Variants in PNPLA3 observed in about 807,000 individuals in gnomAD.
PNPLA3 encodes the protein patatin like domain 3, 1-acylglycerol-3-phosphate O-acyltransferase, also known as 1-acylglycerol-3-phosphate O-acyltransferase PNPLA3.
PNPLA3 carries 42 observed loss-of-function variants against 43.1 expected under a neutral mutation model. That is an observed-to-expected ratio of 0.97 (90% CI 0.76 to 1.26). The LOEUF (loss-of-function observed/expected upper bound fraction) is 1.26. PNPLA3 is among the 50% of genes most tolerant of loss of function. The probability of loss-of-function intolerance (pLI) is 0.00; values close to 1 mark genes in which losing one functional copy is unlikely to be tolerated. For missense variants in PNPLA3, 647 were observed against 621.4 expected (o/e 1.04, Z -0.44); for synonymous variants, 272 against 253.6 (o/e 1.07, Z -0.69).
rs946829495 is a variant in PNPLA3 at position 43,946,640 on chromosome 22, TCCC to T, written c.*259_*261del. On this transcript the variant is annotated 3_prime_UTR_variant, in exon 9 of 9. Coordinates refer to ENST00000216180, the MANE Select transcript of PNPLA3 (RefSeq NM_025225.3). ...ACACCAGGAAGCCCAGTGCAGAGGG[TCCC>T]TTACTGACTGTTTCGTGGCCCTATT... is the stretch of plus-strand genomic sequence containing the variant. 2.9e-6 allele frequency: 2 copies of T among 686,642 alleles called. No homozygotes were observed. Among genetic ancestry groups the T allele is most frequent in the Non-Finnish European group, 5.4e-6 (2 of 369,448 alleles). 42.5% of individuals were successfully genotyped at this position (686,642 alleles called of 1,614,324 possible). A position where few individuals can be genotyped will look rare whatever the true frequency, so the allele number is the denominator to read the frequency against.
At chr22:43,928,761 G>A in intron 2 of PNPLA3, 63 bp from the exon 3 acceptor site, 1 of 1,485,736 alleles carries the variant, frequency 6.7e-7, no homozygotes, top group South Asian at 1.1e-5. Context: ...GAAAGCTTAT[G>A]AAGGATCAGG....
intron 5 of PNPLA3, among the ~76,000 whole-genome samples, chr22:43,935,584 AGCGCCTTAG>A (rs2049990013): frequency 6.6e-6 from 1 of 151,692 alleles, no homozygotes; most frequent in African/African-American, 2.4e-5. Flanking sequence ...GATAAGTAGG[AGCGCCTTAG>A]GCATGGGGAC....
In PNPLA3 at chr22:43,940,072, T is replaced by C. The variant is rs1182686479; in HGVS notation, c.1059T>C (p.Tyr353=). 14 of 1,614,044 alleles carry C rather than the reference T, an allele frequency of 8.7e-6. No homozygotes were observed. The highest frequency in any genetic ancestry group is 1.7e-5 in the Admixed American group (1 of 60,006). ...CNLLPIRIMS[Y]VMLPCTLPVE... The stretch of plus-strand genomic sequence containing the variant: ...TGCTACCCATTAGGATAATGTCTTA[T>C]GTAATGCTGCCCTGTACCCTGCCTG... The change falls in exon 7 of 9, where the codon TAT becomes TAC. Residue 353 remains tyrosine (Y), a synonymous_variant. Coordinates refer to ENST00000216180, the MANE Select transcript of PNPLA3 (RefSeq NM_025225.3).
At chr22:43,937,389 G>A in intron 6 of PNPLA3, 117 bp downstream of exon 6, 1 of 920,590 alleles carries the variant, frequency 1.1e-6, no homozygotes, top group Non-Finnish European at 1.7e-6. Flanking sequence ...ACAGGTGGTT[G>A]GGAACATCTC....
chr22:43,927,009 T>A lies in PNPLA3; in HGVS notation c.262T>A (p.Phe88Ile), dbSNP rs773679857. 3 of 1,614,258 alleles carry A rather than the reference T, an allele frequency of 1.9e-6. No individual in the cohort carries two copies. In the South Asian group the frequency reaches 3.3e-5, roughly 18 times the overall value. The change falls in exon 2 of 9, where the codon TTC (phenylalanine) becomes ATC (isoleucine). Residue 88 changes from phenylalanine (F) to isoleucine (I), a missense_variant. Transcript: ENST00000216180. ...GAACATTGGCATCTTCCATCCATCC[T>A]TCAACTTAAGCAAGTTCCTCCGACA... Reference protein sequence around the residue: ...SRNIGIFHPSFNLSKFLRQGL... With the variant: ...SRNIGIFHPSINLSKFLRQGL...
chr22:43,932,832 C>T, intron 3 of PNPLA3, 46 bp from the exon 4 acceptor site: 1 of 1,566,848 alleles, frequency 6.4e-7, no homozygotes, highest in Non-Finnish European at 8.8e-7. Context: ...TAAGCACTAA[C>T]CCAGAGCTTC....
chr22:43,937,273 G>C lies in PNPLA3; in HGVS notation c.979+1G>C. The C allele has an allele frequency of 6.2e-7, 1 of 1,613,350 alleles. No homozygotes were observed. On this transcript the variant is annotated splice_donor_variant, in intron 6 of 8. Coordinates refer to ENST00000216180, the MANE Select transcript of PNPLA3 (RefSeq NM_025225.3). LOFTEE classifies it high-confidence loss of function. ...ACCCTCTCGCCCAGGCTCGCTACAG[G>C]TACCCACTCCTCGGGGTGAGCACGG...
At chr22:43,932,201 A>G (rs1389319793) in intron 3 of PNPLA3, among the ~76,000 whole-genome samples, 2 of 152,208 alleles carry the variant, frequency 1.3e-5, no homozygotes, top group African/African-American at 4.8e-5. Context: ...AGCTATGGGC[A>G]ATAAGGTGGT....
chr22:43,938,167 A>G (rs779993955), intron 6 of PNPLA3, among the ~76,000 whole-genome samples: 7 of 152,202 alleles, frequency 4.6e-5, no homozygotes, highest in Non-Finnish European at 8.8e-5. Context: ...TAAGCCACTC[A>G]GTTGGTGGCA....
intron 7 of PNPLA3, among the ~76,000 whole-genome samples, chr22:43,941,852 A>G (rs1229344674): frequency 1.3e-5 from 2 of 151,946 alleles, no homozygotes; most frequent in Non-Finnish European, 2.9e-5. Flanking sequence ...ATATTGAGCT[A>G]ATACAGGCAT....
At chr22:43,928,333 G>A (rs544909487) in intron 2 of PNPLA3, among the ~76,000 whole-genome samples, 1 of 152,326 alleles carries the variant, frequency 6.6e-6, no homozygotes, top group Admixed American at 6.5e-5. Flanking sequence ...GCTTCGCAAA[G>A]TGTGATCCTG....
intron 8 of PNPLA3, among the ~76,000 whole-genome samples, 162 bp downstream of exon 8, chr22:43,944,957 T>A (rs2056378759): frequency 6.6e-6 from 1 of 152,030 alleles, no homozygotes; most frequent in South Asian, 2.1e-4. Flanking sequence ...CAGTCAGAGG[T>A]CCTGGCACAC....
intron 3 of PNPLA3, among the ~76,000 whole-genome samples, chr22:43,929,665 C>T (rs762548616): frequency 4.1e-5 from 6 of 145,606 alleles, no homozygotes; most frequent in East Asian, 2.1e-4. Context: ...GGTGCAATCT[C>T]GGCTCACTGC....
At chr22:43,934,534 C>A in intron 4 of PNPLA3, 72 bp from the exon 5 acceptor site, 1 of 1,455,530 alleles carries the variant, frequency 6.9e-7, no homozygotes, top group South Asian at 1.1e-5. Flanking sequence ...TCTCTGCGGT[C>A]TTCCAATGAT....
At chr22:43,936,823 GC>G (rs922899023) in intron 5 of PNPLA3, among the ~76,000 whole-genome samples, 1 of 152,216 alleles carries the variant, frequency 6.6e-6, no homozygotes, top group African/African-American at 2.4e-5. Context: ...TGTAGATGGA[GC>G]CCACAAAGCT....
intron 3 of PNPLA3, among the ~76,000 whole-genome samples, chr22:43,930,045 C>G (rs1322130293): frequency 6.6e-6 from 1 of 152,130 alleles, no homozygotes; most frequent in Non-Finnish European, 1.5e-5. Context: ...TTTGAACTCA[C>G]AAGAGCAGCA....
intron 7 of PNPLA3, among the ~76,000 whole-genome samples, chr22:43,942,608 C>T (rs2050037680): frequency 1.3e-5 from 2 of 152,052 alleles, no homozygotes; most frequent in Admixed American, 1.3e-4. Context: ...GTACTGGAGA[C>T]CCCTTCAGTC....
chr22:43,934,349 GA>G (rs796640318), intron 4 of PNPLA3, among the ~76,000 whole-genome samples: 1 of 149,522 alleles, frequency 6.7e-6, no homozygotes, highest in African/African-American at 2.5e-5. Flanking sequence ...AAAGTAAAAG[GA>G]AAAAAAAGAG....
At chr22:43,931,578 C>T (rs1212840390) in intron 3 of PNPLA3, among the ~76,000 whole-genome samples, 1 of 152,092 alleles carries the variant, frequency 6.6e-6, no homozygotes, top group South Asian at 2.1e-4. Flanking sequence ...TGCAGTGGCG[C>T]GATCTCAGCT....
Sources: allele counts gnomAD v4.1 joint callset (sites outside exome capture counted in the v4.1 genomes callset), GRCh38; gene constraint gnomAD v4.1.1; transcripts MANE v1.5; gene names NCBI Gene and HGNC (gene_info 2026-07-23, HGNC 2026-07-21).